Variants in TANC1 observed in about 807,000 individuals in gnomAD.
TANC1 encodes tetratricopeptide repeat, ankyrin repeat and coiled-coil containing 1.
Under a neutral mutation model 149.7 loss-of-function variants are expected in TANC1, and 77 were observed. The ratio of observed to expected loss-of-function variants is 0.51; its 90% confidence interval spans 0.43 to 0.62. TANC1 has a LOEUF of 0.62. Among genes scored for constraint, TANC1 ranks in the 20% least tolerant of loss-of-function variants. The probability of loss-of-function intolerance (pLI) is 0.00; values close to 1 mark genes in which losing one functional copy is unlikely to be tolerated. For missense variants in TANC1, 1,985 were observed against 2,321.8 expected (o/e 0.85, Z 2.98); for synonymous variants, 854 against 925.0 (o/e 0.92, Z 1.39).
At chr2:159,066,030 C>A in intron 3 of TANC1, 59 bp downstream of exon 3, 1 of 1,339,758 alleles carries the variant, frequency 7.5e-7, no homozygotes, top group Non-Finnish European at 1.1e-6. Flanking sequence ...CTGCTCCTCA[C>A]CCCAGGCCGG....
At chr2:159,092,285 T>C (rs2045635813) in intron 3 of TANC1, among the ~76,000 whole-genome samples, 1 of 152,188 alleles carries the variant, frequency 6.6e-6, no homozygotes, top group Non-Finnish European at 1.5e-5. Context: ...CTTCCTGAAA[T>C]ATGCTTTTAC....
At chr2:159,145,918 C>T (rs1293851681) in intron 5 of TANC1, among the ~76,000 whole-genome samples, 2 of 152,242 alleles carry the variant, frequency 1.3e-5, no homozygotes, top group Non-Finnish European at 2.9e-5. Context: ...AGCCCTCATC[C>T]CACTGGTATT....
At chr2:158,969,157 C>A (rs1426498649) in intron 1 of TANC1, among the ~76,000 whole-genome samples, 1 of 152,216 alleles carries the variant, frequency 6.6e-6, no homozygotes, top group Admixed American at 6.5e-5. Flanking sequence ...CGCTCGCCCC[C>A]TTTCCCGCCT....
At chr2:158,987,039 C>CT (rs1224437359) in intron 1 of TANC1, among the ~76,000 whole-genome samples, 32 of 140,500 alleles carry the variant, frequency 2.3e-4, no homozygotes, top group African/African-American at 8.2e-4. Context: ...CCTGTCTCTA[C>CT]TTAAAAAAAA....
chr2:159,175,206 C>T, intron 12 of TANC1, 22 bp downstream of exon 12: 1 of 1,588,954 alleles, frequency 6.3e-7, no homozygotes, highest in Non-Finnish European at 8.6e-7. Flanking sequence ...CAGCTACCCA[C>T]AGCCCCATCT....
At chr2:159,002,209 G>T (rs1193468575) in intron 2 of TANC1, among the ~76,000 whole-genome samples, 1 of 152,180 alleles carries the variant, frequency 6.6e-6, no homozygotes, top group Non-Finnish European at 1.5e-5. Flanking sequence ...GGACAGTGTG[G>T]ACATGAGTTC....
intron 3 of TANC1, among the ~76,000 whole-genome samples, chr2:159,078,189 A>G (rs1022876984): frequency 6.6e-6 from 1 of 152,200 alleles, no homozygotes. Context: ...ATGAATTACT[A>G]TTTATAAAGG....
chr2:158,985,933 A>G (rs2034952522), intron 1 of TANC1, among the ~76,000 whole-genome samples: 2 of 151,880 alleles, frequency 1.3e-5, no homozygotes, highest in African/African-American at 4.8e-5. Flanking sequence ...GAGCGACCGC[A>G]CCCAGCTGAC....
chr2:159,100,029 G>C (rs1020646379), intron 4 of TANC1, among the ~76,000 whole-genome samples: 1 of 152,108 alleles, frequency 6.6e-6, no homozygotes, highest in Non-Finnish European at 1.5e-5. Context: ...GGACAAACAA[G>C]ATGTCTTATA....
intron 2 of TANC1, among the ~76,000 whole-genome samples, chr2:159,029,628 A>G (rs2039625387): frequency 6.6e-6 from 1 of 152,196 alleles, no homozygotes; most frequent in Non-Finnish European, 1.5e-5. Flanking sequence ...CAGTGGCACA[A>G]TCATAGTTCA....
chr2:159,096,559 G>T (rs897861831), intron 3 of TANC1, among the ~76,000 whole-genome samples: 1 of 152,228 alleles, frequency 6.6e-6, no homozygotes, highest in Non-Finnish European at 1.5e-5. Flanking sequence ...CAGGGGAGGG[G>T]CAGGAGTTCT....
At chr2:159,089,439 C>T (rs959301852) in intron 3 of TANC1, among the ~76,000 whole-genome samples, 7 of 152,170 alleles carry the variant, frequency 4.6e-5, no homozygotes, top group African/African-American at 1.7e-4. Context: ...GCTCCTTGAG[C>T]GGCTGTTCCC....
chr2:159,224,126 G>A (rs1428423721), intron 22 of TANC1, 106 bp from the exon 23 acceptor site: 2 of 1,301,118 alleles, frequency 1.5e-6, no homozygotes, highest in African/African-American at 2.9e-5. Context: ...TTAATAGGCA[G>A]AGGCATCTAA....
intron 2 of TANC1, among the ~76,000 whole-genome samples, chr2:159,007,758 A>T (rs2037359485): frequency 6.6e-6 from 1 of 152,172 alleles, no homozygotes; most frequent in African/African-American, 2.4e-5. Flanking sequence ...AGAAGTGAAG[A>T]AGTGGAGAGG....
intron 3 of TANC1, among the ~76,000 whole-genome samples, chr2:159,092,929 C>G (rs2045700234): frequency 6.6e-6 from 1 of 152,170 alleles, no homozygotes; most frequent in East Asian, 1.9e-4. Flanking sequence ...AGAGCCTGAG[C>G]TGACCGGTTG....
At chr2:159,038,293 C>T (rs1574272454) in intron 2 of TANC1, among the ~76,000 whole-genome samples, 1 of 152,224 alleles carries the variant, frequency 6.6e-6, no homozygotes, top group South Asian at 2.1e-4. Flanking sequence ...CTCATGTCAT[C>T]TGCAAACAGG....
intron 11 of TANC1, 70 bp from the exon 12 acceptor site, chr2:159,174,883 C>T: frequency 8.4e-7 from 1 of 1,197,346 alleles, no homozygotes; most frequent in Non-Finnish European, 1.2e-6. Context: ...GAGTTGTGTT[C>T]CTGTTTGAGA....
intron 1 of TANC1, among the ~76,000 whole-genome samples, chr2:158,998,470 C>T (rs901549217): frequency 6.6e-6 from 1 of 152,206 alleles, no homozygotes; most frequent in African/African-American, 2.4e-5. Context: ...TCTACATTCT[C>T]TGCCAAGGTT....
intron 11 of TANC1, among the ~76,000 whole-genome samples, chr2:159,174,499 C>T (rs1011324281): frequency 5.9e-5 from 9 of 152,086 alleles, no homozygotes; most frequent in African/African-American, 1.2e-4. Flanking sequence ...TCTACAGCCC[C>T]GGTCTCACAG....
Sources: gnomAD v4.1 joint callset for allele counts (sites outside exome capture counted in the v4.1 genomes callset) on GRCh38, gnomAD v4.1.1 for gene constraint, MANE v1.5 for transcripts, NCBI Gene and HGNC (gene_info 2026-07-23, HGNC 2026-07-21) for gene names.